The following INPP4A variants were observed in gnomAD, a reference collection of about 807,000 sequenced individuals.
INPP4A encodes the protein inositol polyphosphate-4-phosphatase, type I, 107kD.
A neutral mutation model predicts 119.8 loss-of-function variants in INPP4A; 33 were observed. The ratio of observed to expected loss-of-function variants is 0.28; its 90% CI spans 0.21 to 0.37. INPP4A has a LOEUF of 0.37. INPP4A is among the 10% of genes least tolerant of loss of function. The pLI, the probability that INPP4A is intolerant of heterozygous loss-of-function variation, is 1.00. For missense variants in INPP4A, 956 were observed against 1,289.9 expected, an observed-to-expected ratio of 0.74 and a Z score of 3.97; for synonymous variants, 496 against 500.7, an observed-to-expected ratio of 0.99 and a Z score of 0.12.
At chr2:98,470,476 C>G (rs1675773603) in intron 1 of INPP4A, among the ~76,000 whole-genome samples, 1 of 152,196 alleles carries the variant, frequency 6.6e-6, no homozygotes, top group Non-Finnish European at 1.5e-5. Flanking sequence ...GGGCTTCGGC[C>G]CCTGCAAGGA....
At chr2:98,491,659 A>G (rs1473711768) in intron 1 of INPP4A, among the ~76,000 whole-genome samples, 1 of 152,178 alleles carries the variant, frequency 6.6e-6, no homozygotes, top group Non-Finnish European at 1.5e-5. Context: ...TACCTGAGTC[A>G]TGTTCATTTT....
At chr2:98,467,382 G>A (rs147016458) in intron 1 of INPP4A, among the ~76,000 whole-genome samples, 23 of 152,244 alleles carry the variant, frequency 1.5e-4, no homozygotes, top group African/African-American at 3.6e-4. Context: ...TTGCCCCTCC[G>A]TCCCCCTCAT....
chr2:98,586,963 C>A (rs981246761), intron 24 of INPP4A, among the ~76,000 whole-genome samples: 1 of 152,232 alleles, frequency 6.6e-6, no homozygotes, highest in African/African-American at 2.4e-5. Context: ...ACCAGAACGC[C>A]TTCCTAGCCA....
chr2:98,494,040 C>T (rs1171656481), intron 1 of INPP4A, among the ~76,000 whole-genome samples: 1 of 152,204 alleles, frequency 6.6e-6, no homozygotes, highest in Admixed American at 6.5e-5. Context: ...TGCTAGATCT[C>T]AGTAAGAATA....
chr2:98,581,806 A>T (rs1309595917), intron 24 of INPP4A: 2 of 1,569,312 alleles, frequency 1.3e-6, no homozygotes, highest in Non-Finnish European at 1.7e-6. Flanking sequence ...AAGTGCCAGA[A>T]CATGTCCAGC....
At chr2:98,548,044 C>T (rs1419476212) in intron 13 of INPP4A, among the ~76,000 whole-genome samples, 1 of 152,144 alleles carries the variant, frequency 6.6e-6, no homozygotes, top group African/African-American at 2.4e-5. Context: ...TCTGAGAAAA[C>T]TGAAAGAGGT....
intron 3 of INPP4A, 78 bp downstream of exon 3, chr2:98,520,232 A>G: frequency 9.0e-7 from 1 of 1,114,150 alleles, no homozygotes; most frequent in Non-Finnish European, 1.3e-6. Flanking sequence ...CAGTGCTGGC[A>G]GGTACCCAAT....
chr2:98,575,779 C>A (rs1397535461), intron 23 of INPP4A, among the ~76,000 whole-genome samples: 4 of 152,142 alleles, frequency 2.6e-5, no homozygotes, highest in Admixed American at 2.0e-4. Context: ...TGGCATACAA[C>A]AGATACCCGG....
chr2:98,582,127 A>G (rs1405427360), intron 24 of INPP4A, among the ~76,000 whole-genome samples: 1 of 152,236 alleles, frequency 6.6e-6, no homozygotes, highest in African/African-American at 2.4e-5. Context: ...TTCTGTTTAA[A>G]GAGAATTTGT....
intron 1 of INPP4A, among the ~76,000 whole-genome samples, chr2:98,476,530 C>T (rs1333104358): frequency 6.6e-6 from 1 of 152,156 alleles, no homozygotes; most frequent in Non-Finnish European, 1.5e-5. Flanking sequence ...CAGGGAGGCT[C>T]TCAGCTGGGG....
intron 1 of INPP4A, among the ~76,000 whole-genome samples, chr2:98,456,593 C>T (rs1347314969): frequency 6.6e-6 from 1 of 152,238 alleles, no homozygotes; most frequent in Non-Finnish European, 1.5e-5. Flanking sequence ...CCTGCCTCAG[C>T]CTCCCAAATT....
chr2:98,531,805 G>T (rs925339989), intron 4 of INPP4A, among the ~76,000 whole-genome samples: 3 of 152,240 alleles, frequency 2.0e-5, no homozygotes, highest in Non-Finnish European at 4.4e-5. Flanking sequence ...CACACTTACA[G>T]TATAAACAGT....
At chr2:98,495,868 G>A (rs1681834505) in intron 1 of INPP4A, among the ~76,000 whole-genome samples, 1 of 152,180 alleles carries the variant, frequency 6.6e-6, no homozygotes, top group South Asian at 2.1e-4. Context: ...ACCTGGAAAG[G>A]GAAGGGGATT....
chr2:98,565,532 C>T (rs1696273536), intron 19 of INPP4A, 108 bp from the exon 20 acceptor site: 1 of 1,264,036 alleles, frequency 7.9e-7, no homozygotes, highest in Non-Finnish European at 1.1e-6. Context: ...AGAGCCACAC[C>T]TGCACCCCTC....
chr2:98,539,054 C>T (rs1690884616), intron 9 of INPP4A, 73 bp downstream of exon 9: 3 of 776,240 alleles, frequency 3.9e-6, no homozygotes, highest in East Asian at 5.4e-5. Context: ...CCCCTTTGCT[C>T]CCCACCTGCT....
At chr2:98,451,825 A>G (rs1432442551) in intron 1 of INPP4A, among the ~76,000 whole-genome samples, 2 of 152,196 alleles carry the variant, frequency 1.3e-5, no homozygotes, top group Non-Finnish European at 2.9e-5. Context: ...GGAAGTATTT[A>G]GGCAGATGGT....
chr2:98,538,138 G>A (rs1690682958), intron 8 of INPP4A, among the ~76,000 whole-genome samples, 164 bp downstream of exon 8: 1 of 152,204 alleles, frequency 6.6e-6, no homozygotes, highest in South Asian at 2.1e-4. Flanking sequence ...ACACCTTGAA[G>A]CAGGAAAAAG....
At chr2:98,518,055 T>G (rs1686486267) in intron 1 of INPP4A, among the ~76,000 whole-genome samples, 1 of 152,250 alleles carries the variant, frequency 6.6e-6, no homozygotes, top group African/African-American at 2.4e-5. Context: ...TGTTCCTCAT[T>G]TATAAATTCC....
intron 1 of INPP4A, among the ~76,000 whole-genome samples, chr2:98,478,287 G>T (rs771852794): frequency 6.6e-6 from 1 of 152,146 alleles, no homozygotes; most frequent in Non-Finnish European, 1.5e-5. Flanking sequence ...TGGAGGCCTC[G>T]TCATGACTGA....
Sources: allele counts gnomAD v4.1 joint callset (sites outside exome capture counted in the v4.1 genomes callset), GRCh38; gene constraint gnomAD v4.1.1; transcripts MANE v1.5; gene names NCBI Gene and HGNC (gene_info 2026-07-23, HGNC 2026-07-21).